RPS6KA2: variants seen among roughly 807,000 people sequenced by gnomAD.
The protein encoded by RPS6KA2 is ribosomal protein S6 kinase alpha-2.
In RPS6KA2, 42 loss-of-function variants were observed where a neutral mutation model predicts 91.8. That is an observed-to-expected ratio of 0.46 (90% confidence interval 0.36 to 0.59). RPS6KA2 has a LOEUF of 0.59. RPS6KA2 is among the 20% of genes least tolerant of loss of function. The probability of loss-of-function intolerance (pLI) is 0.00; values close to 1 mark genes in which losing one functional copy is unlikely to be tolerated. For synonymous variants in RPS6KA2, 414 were observed against 393.6 expected (o/e 1.05, Z -0.61); for missense variants, 798 against 978.5 (o/e 0.82, Z 2.46).
At chr6:166,468,665 C>A (rs1780629780) in intron 11 of RPS6KA2, among the ~76,000 whole-genome samples, 1 of 151,992 alleles carries the variant, frequency 6.6e-6, no homozygotes. Context: ...AGATCGAGAT[C>A]ATCCTGGCTA....
At chr6:166,820,539 A>G (rs2734344) in intron 2 of RPS6KA2, among the ~76,000 whole-genome samples, 120,608 of 152,074 alleles carry the variant, frequency 0.79, 48,259 homozygotes, top group East Asian at 0.98. Context: ...GTTAGAAAAC[A>G]TTTACATTCC....
intron 8 of RPS6KA2, 111 bp downstream of exon 8, chr6:166,498,397 C>A: frequency 7.9e-7 from 1 of 1,257,972 alleles, no homozygotes; most frequent in Non-Finnish European, 1.1e-6. Context: ...GTGTCCCAAG[C>A]CCTCAGGCAC....
intron 1 of RPS6KA2, among the ~76,000 whole-genome samples, chr6:166,546,031 C>A (rs1783814497): frequency 6.6e-6 from 1 of 152,182 alleles, no homozygotes; most frequent in South Asian, 2.1e-4. Flanking sequence ...AGTGTGAAGT[C>A]CTCACGGAAG....
intron 2 of RPS6KA2, among the ~76,000 whole-genome samples, chr6:166,760,735 G>T (rs909390976): frequency 6.6e-6 from 1 of 152,204 alleles, no homozygotes; most frequent in African/African-American, 2.4e-5. Flanking sequence ...ACTGAGTTGG[G>T]GAAAGAAGAA....
At chr6:166,802,999 A>G (rs1463206080) in intron 2 of RPS6KA2, among the ~76,000 whole-genome samples, 2 of 151,766 alleles carry the variant, frequency 1.3e-5, no homozygotes, top group Non-Finnish European at 2.9e-5. Context: ...ACTAATTTTT[A>G]AAGTTTACAT....
chr6:166,783,419 C>T (rs1778824698), intron 2 of RPS6KA2, among the ~76,000 whole-genome samples: 1 of 152,118 alleles, frequency 6.6e-6, no homozygotes, highest in African/African-American at 2.4e-5. Context: ...GAATTCCCAG[C>T]CTGCTGGTCT....
intron 2 of RPS6KA2, among the ~76,000 whole-genome samples, chr6:166,772,558 C>A (rs1038833386): frequency 6.6e-6 from 1 of 152,160 alleles, no homozygotes; most frequent in African/African-American, 2.4e-5. Flanking sequence ...GATGGTGAGA[C>A]CCGGTGGAAC....
intron 14 of RPS6KA2, among the ~76,000 whole-genome samples, chr6:166,443,006 A>C (rs1473206530): frequency 6.6e-6 from 1 of 152,198 alleles, no homozygotes; most frequent in Admixed American, 6.5e-5. Flanking sequence ...CTGTTGACTT[A>C]AAGCTTTACC....
In RPS6KA2 at chr6:166,665,573, G is replaced by C. The variant is rs1209042245; in HGVS notation, c.124-126789C>G. ...ACAAAGGGACAGCAGCCAGGGCACA[G>C]ATGCAAACTACTTTCAGAAACGTGT... On this transcript the variant is annotated intron_variant, in intron 2 of 21. Coordinates refer to the RPS6KA2 transcript ENST00000503859. The surrounding 1 kb of genome is among the most constrained non-coding windows in gnomAD (Gnocchi z 4.5). 2.0e-5 allele frequency among the ~76,000 whole-genome samples: 3 copies of C among 152,092 alleles called. No homozygotes were observed. The highest frequency in any genetic ancestry group is 7.2e-5 in the African/African-American group (3 of 41,396).
At chr6:166,621,232 G>T (rs140918651) in intron 1 of RPS6KA2, among the ~76,000 whole-genome samples, 2 of 152,164 alleles carry the variant, frequency 1.3e-5, no homozygotes, top group African/African-American at 4.8e-5. Flanking sequence ...TTGGCTGGTC[G>T]GAAACACTGC....
rs944559980 is a variant in RPS6KA2, at chr6:166,603,130, G to A, written c.99+23791C>T. Among the ~76,000 whole-genome samples, 6 of 152,218 alleles carry A rather than the reference G, an allele frequency of 3.9e-5. No individual in the cohort carries two copies. Among genetic ancestry groups the A allele is most frequent in the African/African-American group, 1.4e-4 (6 of 41,452 alleles). On this transcript the variant is annotated intron_variant, in intron 1 of 20. Coordinates refer to ENST00000265678, the MANE Select transcript of RPS6KA2 (RefSeq NM_021135.6). This position sits in a 1 kb window ranked among gnomAD's most constrained non-coding sequence, Gnocchi z 4.3. ...TGTTAAGTGTTAAGTTCTGACATGA[G>A]CTTAGTCTAAAAGGGATCTGGGCGG...
At chr6:166,562,473 G>C (rs572282711) in intron 1 of RPS6KA2, among the ~76,000 whole-genome samples, 3 of 152,320 alleles carry the variant, frequency 2.0e-5, no homozygotes, top group African/African-American at 7.2e-5. Flanking sequence ...TCTGTTGAGA[G>C]AAACATGAAA....
chr6:166,612,093 T>C lies in RPS6KA2; in HGVS notation c.99+14828A>G, dbSNP rs539665107. Among the ~76,000 whole-genome samples, 1 of 152,292 alleles carries C rather than the reference T, an allele frequency of 6.6e-6. No homozygotes were observed. Among genetic ancestry groups the C allele is most frequent in the East Asian group, 1.9e-4 (1 of 5,182 alleles). The stretch of plus-strand genomic sequence containing the variant: ...TTCTCCAACACCCCTTTCCCAGGCC[T>C]GTTTGTTCTTTTTCCTCTTATTTTT... On this transcript the variant is annotated intron_variant, in intron 1 of 20. Transcript: ENST00000265678. The surrounding 1 kb of genome is among the most constrained non-coding windows in gnomAD (Gnocchi z 4.3).
intron 2 of RPS6KA2, among the ~76,000 whole-genome samples, chr6:166,769,790 G>T (rs1169485006): frequency 6.6e-6 from 1 of 152,192 alleles, no homozygotes; most frequent in East Asian, 1.9e-4. Flanking sequence ...TCCCATCAGG[G>T]ACTTGCAGGC....
chr6:166,837,381 G>T (rs532371911), intron 2 of RPS6KA2, among the ~76,000 whole-genome samples: 1 of 152,338 alleles, frequency 6.6e-6, no homozygotes, highest in East Asian at 1.9e-4. Flanking sequence ...CTGTGGAGCA[G>T]GGGTCACTCC....
chr6:166,743,033 C>T (rs1438849780), intron 2 of RPS6KA2, among the ~76,000 whole-genome samples: 1 of 152,258 alleles, frequency 6.6e-6, no homozygotes, highest in East Asian at 1.9e-4. Context: ...TCCCCAAAGA[C>T]ACTCTGGTAA....
At chr6:166,586,668 G>A (rs1785185824) in intron 1 of RPS6KA2, among the ~76,000 whole-genome samples, 1 of 124,528 alleles carries the variant, frequency 8.0e-6, no homozygotes, top group Non-Finnish European at 1.5e-5. Flanking sequence ...GTAACCGAGC[G>A]CCTTCCTCTC....
intron 5 of RPS6KA2, among the ~76,000 whole-genome samples, chr6:166,505,491 G>A (rs995146548): frequency 1.3e-5 from 2 of 152,172 alleles, no homozygotes; most frequent in South Asian, 2.1e-4. Context: ...TTCTATATTC[G>A]TCAGGAGAAA....
Position 166,410,568 on chromosome 6 carries a change from C to T in RPS6KA2, c.*2194G>A, listed in dbSNP as rs1455760141. ...ATCAAATACATGTAAGGACAGAGCT[C>T]GCTGTGATGGGGAGTCTCGTCGGTC... On this transcript the variant is annotated 3_prime_UTR_variant, in exon 21 of 21. Coordinates refer to ENST00000265678, the MANE Select transcript of RPS6KA2 (RefSeq NM_021135.6). 2 of 152,250 alleles carry T rather than the reference C, an allele frequency of 1.3e-5. No individual in the cohort carries two copies. The highest frequency in any genetic ancestry group is 2.4e-5 in the African/African-American group (1 of 41,380). 9.4% of individuals were successfully genotyped at this position (152,250 alleles called of 1,614,324 possible).
Sources: gnomAD v4.1 joint callset for allele counts (sites outside exome capture counted in the v4.1 genomes callset) on GRCh38, gnomAD v4.1.1 for gene constraint, Gnocchi (gnomAD v3.1) non-coding constraint, MANE v1.5 for transcripts, NCBI Gene and HGNC (gene_info 2026-07-23, HGNC 2026-07-21) for gene names.